Variants in DOCK2 observed in about 807,000 individuals in gnomAD.
DOCK2 encodes dedicator of cytokinesis protein 2.
DOCK2 carries 87 observed loss-of-function variants against 248.9 expected under a neutral mutation model. The ratio of observed to expected loss-of-function variants is 0.35; its 90% CI spans 0.29 to 0.42. DOCK2 has a LOEUF of 0.42. Ranked by LOEUF, DOCK2 falls within the 10% of genes least tolerant of loss-of-function variation. DOCK2 has a pLI of 1.00. For synonymous variants in DOCK2, 805 were observed against 821.6 expected (o/e 0.98, Z 0.35); for missense variants, 1,747 against 2,300.2 (o/e 0.76, Z 4.92).
intron 17 of DOCK2, among the ~76,000 whole-genome samples, chr5:169,712,695 T>C (rs550698324): frequency 4.6e-5 from 7 of 152,272 alleles, no homozygotes; most frequent in African/African-American, 1.7e-4. Flanking sequence ...TGAGTCTCAG[T>C]TTCTTTTTTC....
chr5:169,781,931 C>T (rs1191521359), intron 25 of DOCK2, among the ~76,000 whole-genome samples: 9 of 152,160 alleles, frequency 5.9e-5, no homozygotes, highest in African/African-American at 1.2e-4. Context: ...CCAGAACCCC[C>T]GTCTGCAGCA....
chr5:170,055,215 G>A, intron 41 of DOCK2, 90 bp from the exon 42 acceptor site: 2 of 1,294,390 alleles, frequency 1.5e-6, no homozygotes. Flanking sequence ...CCCCATAAAG[G>A]CTGGCCTGGA....
At position 169,700,158 on chromosome 5, in the gene DOCK2, G is replaced by T; in HGVS notation, c.1258+19G>T. On this transcript the variant is annotated intron_variant, in intron 13 of 51. Coordinates refer to ENST00000520908, the MANE Select transcript of DOCK2 (RefSeq NM_004946.3). ...ATGCCAGGTGAGACACAGCTGCTCT[G>T]ACCTTCCCCTGGGGACATAGGGGCC... 1 of 1,611,542 alleles carries T rather than the reference G, an allele frequency of 6.2e-7. No individual in the cohort carries two copies. Among genetic ancestry groups the T allele is most frequent in the South Asian group, 1.1e-5 (1 of 90,696 alleles).
chr5:169,759,872 G>C, intron 24 of DOCK2, 97 bp downstream of exon 24: 2 of 1,334,632 alleles, frequency 1.5e-6, no homozygotes, highest in Non-Finnish European at 1.1e-6. Context: ...TGGGCACTCA[G>C]CTTGGGGATG....
intron 22 of DOCK2, among the ~76,000 whole-genome samples, chr5:169,732,612 C>T (rs1276429661): frequency 1.3e-5 from 2 of 152,180 alleles, no homozygotes; most frequent in East Asian, 1.9e-4. Flanking sequence ...GGGACTCATT[C>T]TTGACACCTC....
intron 26 of DOCK2, among the ~76,000 whole-genome samples, chr5:169,816,136 A>G (rs1768058290): frequency 6.6e-6 from 1 of 152,170 alleles, no homozygotes. Context: ...AGGGAACTAT[A>G]ACTTTGATTT....
chr5:169,771,377 A>G (rs538344888), intron 25 of DOCK2, among the ~76,000 whole-genome samples: 17 of 152,180 alleles, frequency 1.1e-4, no homozygotes, highest in South Asian at 2.1e-4. Flanking sequence ...TCTGCCTCCC[A>G]GGTTCAAGCG....
chr5:169,851,908 T>G (rs1240828399), intron 27 of DOCK2, among the ~76,000 whole-genome samples: 1 of 152,044 alleles, frequency 6.6e-6, no homozygotes, highest in Non-Finnish European at 1.5e-5. Flanking sequence ...CCTCAACACA[T>G]GGGGATTATG....
intron 26 of DOCK2, among the ~76,000 whole-genome samples, chr5:169,821,395 A>G (rs1768429734): frequency 1.3e-5 from 2 of 152,214 alleles, no homozygotes; most frequent in Admixed American, 6.5e-5. Context: ...CCACAAAGGG[A>G]AGCCCATCAG....
At chr5:170,034,599 G>T (rs201910773) in intron 35 of DOCK2, 44 bp downstream of exon 35, 1 of 1,608,036 alleles carries the variant, frequency 6.2e-7, no homozygotes, top group African/African-American at 1.3e-5. Context: ...AACCCTGTGG[G>T]GGGGCTTGGG....
chr5:169,836,687 A>G (rs1179640141), intron 26 of DOCK2, among the ~76,000 whole-genome samples: 1 of 146,296 alleles, frequency 6.8e-6, no homozygotes, highest in Non-Finnish European at 1.5e-5. Context: ...TTAAGTTCTA[A>G]GTAGATACTG....
intron 33 of DOCK2, among the ~76,000 whole-genome samples, chr5:170,023,165 G>A (rs1755789941): frequency 6.6e-6 from 1 of 152,076 alleles, no homozygotes; most frequent in Admixed American, 6.5e-5. Context: ...AGTCAGCATG[G>A]GGATCTGAGC....
intron 33 of DOCK2, among the ~76,000 whole-genome samples, chr5:170,026,775 A>G (rs775717111): frequency 1.6e-4 from 24 of 152,210 alleles, no homozygotes; most frequent in Non-Finnish European, 3.1e-4. Context: ...CAATGCAACA[A>G]GATTTGGTGG....
intron 2 of DOCK2, among the ~76,000 whole-genome samples, chr5:169,668,456 A>G (rs1244899923): frequency 6.6e-6 from 1 of 152,098 alleles, no homozygotes; most frequent in Non-Finnish European, 1.5e-5. Context: ...GCTTGGTTGT[A>G]TGTCTGTTGG....
intron 1 of DOCK2, among the ~76,000 whole-genome samples, chr5:169,640,437 G>A (rs2113076645): frequency 6.6e-6 from 1 of 152,302 alleles, no homozygotes; most frequent in East Asian, 1.9e-4. Flanking sequence ...TGGGTTTTCT[G>A]TAAATTAGAC....
intron 48 of DOCK2, among the ~76,000 whole-genome samples, chr5:170,078,160 T>C (rs915192265): frequency 9.9e-5 from 15 of 152,168 alleles, no homozygotes; most frequent in African/African-American, 3.4e-4. Context: ...TTCTGGAATA[T>C]TGTCACCTCT....
chr5:169,851,383 C>T (rs1770610722), intron 27 of DOCK2, among the ~76,000 whole-genome samples: 1 of 152,182 alleles, frequency 6.6e-6, no homozygotes, highest in Non-Finnish European at 1.5e-5. Flanking sequence ...AATCTTTCTT[C>T]CATCCCATGA....
intron 2 of DOCK2, among the ~76,000 whole-genome samples, chr5:169,662,093 TC>T (rs1271853846): frequency 1.3e-5 from 2 of 152,330 alleles, no homozygotes; most frequent in African/African-American, 4.8e-5. Context: ...GTAGAAGAGT[TC>T]CCCTTTTTCC....
intron 27 of DOCK2, among the ~76,000 whole-genome samples, chr5:169,868,700 A>G (rs1771750874): frequency 6.6e-6 from 1 of 152,182 alleles, no homozygotes; most frequent in Admixed American, 6.5e-5. Flanking sequence ...TGTGGCTGCA[A>G]TTAGCTATGA....
Sources: allele counts gnomAD v4.1 joint callset (sites outside exome capture counted in the v4.1 genomes callset), GRCh38; gene constraint gnomAD v4.1.1; transcripts MANE v1.5; gene names NCBI Gene and HGNC (gene_info 2026-07-23, HGNC 2026-07-21).